Variants in DOCK1 observed in about 807,000 individuals in gnomAD.
The protein encoded by DOCK1 is dedicator of cytokinesis 1.
In DOCK1, 138 loss-of-function variants were observed where a neutral mutation model predicts 262.7. That is an observed-to-expected ratio of 0.53 (90% CI 0.46 to 0.61). DOCK1 has a LOEUF of 0.61. Among genes scored for constraint, DOCK1 ranks in the 20% least tolerant of loss-of-function variants. The pLI is 0.00. For synonymous variants in DOCK1, 866 were observed against 867.4 expected, an observed-to-expected ratio of 1.00 and a Z score of 0.03; for missense variants, 1,908 against 2,370.7, an observed-to-expected ratio of 0.80 and a Z score of 4.05.
At chr10:127,445,537 T>G (rs534841725) in intron 50 of DOCK1, among the ~76,000 whole-genome samples, 1 of 152,334 alleles carries the variant, frequency 6.6e-6, no homozygotes, top group South Asian at 2.1e-4. Flanking sequence ...AAAATGTGTT[T>G]AAAATCTATT....
chr10:127,325,502 A>G (rs2062714068), intron 29 of DOCK1, among the ~76,000 whole-genome samples: 2 of 152,214 alleles, frequency 1.3e-5, no homozygotes, highest in South Asian at 2.1e-4. Context: ...CAGTGTTTAC[A>G]CAGCCAACTG....
At chr10:127,209,788 AC>A (rs2057891762) in intron 27 of DOCK1, among the ~76,000 whole-genome samples, 1 of 152,292 alleles carries the variant, frequency 6.6e-6, no homozygotes, top group African/African-American at 2.4e-5. Context: ...TATGGAAAGA[AC>A]TTTGGAGTGT....
At chr10:126,970,045 C>G (rs1000876010) in intron 1 of DOCK1, among the ~76,000 whole-genome samples, 2 of 152,072 alleles carry the variant, frequency 1.3e-5, no homozygotes, top group Non-Finnish European at 2.9e-5. Context: ...GGGCCTTAAA[C>G]ACTTTGTAGC....
intron 33 of DOCK1, among the ~76,000 whole-genome samples, chr10:127,368,126 A>G (rs998984429): frequency 1.1e-4 from 17 of 152,208 alleles, no homozygotes; most frequent in Non-Finnish European, 2.1e-4. Flanking sequence ...TCACAGGGGA[A>G]GTTCCATTAG....
At chr10:126,982,298 C>T (rs1275803596) in intron 4 of DOCK1, among the ~76,000 whole-genome samples, 4 of 152,160 alleles carry the variant, frequency 2.6e-5, no homozygotes, top group Non-Finnish European at 5.9e-5. Flanking sequence ...TCCAAAGCCC[C>T]CCAGCTCTGA....
At chr10:127,280,464 C>G (rs558471202) in intron 29 of DOCK1, among the ~76,000 whole-genome samples, 1 of 151,990 alleles carries the variant, frequency 6.6e-6, no homozygotes, top group Non-Finnish European at 1.5e-5. Flanking sequence ...TCATGCTTAC[C>G]CATTCACCTC....
chr10:127,142,308 G>C (rs1210526143), intron 27 of DOCK1, among the ~76,000 whole-genome samples: 2 of 152,192 alleles, frequency 1.3e-5, no homozygotes, highest in Admixed American at 1.3e-4. Context: ...TCTGGCTGTG[G>C]CTTTGCACAG....
intron 31 of DOCK1, among the ~76,000 whole-genome samples, chr10:127,346,223 C>G (rs376820261): frequency 6.6e-6 from 1 of 152,322 alleles, no homozygotes; most frequent in African/African-American, 2.4e-5. Context: ...CCGAGCACCC[C>G]GCAAGCCCCA....
At chr10:127,423,595 C>T (rs542704501) in intron 46 of DOCK1, among the ~76,000 whole-genome samples, 71 of 152,314 alleles carry the variant, frequency 4.7e-4, no homozygotes, top group African/African-American at 1.7e-3. Flanking sequence ...TATCCAAAGA[C>T]AAATCCATAC....
chr10:126,956,217 G>C (rs1159600598), intron 1 of DOCK1, among the ~76,000 whole-genome samples: 5 of 152,204 alleles, frequency 3.3e-5, no homozygotes, highest in African/African-American at 1.2e-4. Flanking sequence ...TCAGCAGTCA[G>C]CATCTGAGGT....
At chr10:127,361,106 CTTTT>C (rs1175942298) in intron 32 of DOCK1, among the ~76,000 whole-genome samples, 8 of 87,428 alleles carry the variant, frequency 9.2e-5, no homozygotes, top group African/African-American at 2.9e-4. Flanking sequence ...TAAAGTAGTT[CTTTT>C]TTTTTTTTTT....
At position 127,451,630 on chromosome 10, in the gene DOCK1, G is replaced by C; in HGVS notation, c.*203G>C. On this transcript the variant is annotated 3_prime_UTR_variant, in exon 52 of 52. Coordinates refer to ENST00000623213, the MANE Select transcript of DOCK1 (RefSeq NM_001290223.2). ...TGGAGCAAGGTGGGTCTGGGAGGTA[G>C]ATATGGGTCCGGGATGTGCTATCGT... 7.8e-7 allele frequency: 1 copy of C among 1,286,872 alleles called. No individual in the cohort carries two copies. The highest frequency in any genetic ancestry group is 1.0e-6 in the Non-Finnish European group (1 of 965,980). 79.7% of individuals were successfully genotyped at this position (1,286,872 alleles called of 1,614,324 possible).
At chr10:127,383,939 A>T (rs536840307) in intron 37 of DOCK1, among the ~76,000 whole-genome samples, 1 of 151,950 alleles carries the variant, frequency 6.6e-6, no homozygotes, top group African/African-American at 2.4e-5. Context: ...TTCCTGTAGA[A>T]GGGTCTTGCT....
At chr10:127,112,105 G>A (rs567674067) in intron 25 of DOCK1, among the ~76,000 whole-genome samples, 2 of 151,746 alleles carry the variant, frequency 1.3e-5, no homozygotes, top group African/African-American at 2.4e-5. Flanking sequence ...TCCGCCTCCT[G>A]GGTTCAAATG....
intron 29 of DOCK1, among the ~76,000 whole-genome samples, chr10:127,282,285 C>G (rs931642239): frequency 4.6e-5 from 7 of 152,104 alleles, no homozygotes; most frequent in African/African-American, 1.7e-4. Context: ...ATCTCTCACT[C>G]TGAAAGAAGT....
intron 3 of DOCK1, among the ~76,000 whole-genome samples, chr10:126,980,867 A>G (rs113724134): frequency 0.021 from 3,173 of 150,668 alleles, 114 homozygotes; most frequent in African/African-American, 0.072. Flanking sequence ...CAAGACCCCA[A>G]CCCCGTTGCC....
At chr10:127,186,512 C>CA (rs57263189) in intron 27 of DOCK1, among the ~76,000 whole-genome samples, 1 of 23,846 alleles carries the variant, frequency 4.2e-5, no homozygotes, top group East Asian at 2.5e-3. Flanking sequence ...AAACCGCCCC[C>CA]CCGCCCCCCC....
intron 29 of DOCK1, among the ~76,000 whole-genome samples, chr10:127,274,948 C>A (rs61870264): frequency 6.6e-6 from 1 of 152,106 alleles, no homozygotes; most frequent in African/African-American, 2.4e-5. Context: ...AATTTCACCC[C>A]CTTAGTGGAG....
At chr10:127,316,279 A>C (rs893397961) in intron 29 of DOCK1, among the ~76,000 whole-genome samples, 2 of 152,140 alleles carry the variant, frequency 1.3e-5, no homozygotes, top group African/African-American at 4.8e-5. Context: ...GACAGACTGC[A>C]ACTTTCTACC....
Sources: gnomAD v4.1 joint callset for allele counts (sites outside exome capture counted in the v4.1 genomes callset) on GRCh38, gnomAD v4.1.1 for gene constraint, MANE v1.5 for transcripts, NCBI Gene and HGNC (gene_info 2026-07-23, HGNC 2026-07-21) for gene names.